SEC31A: variants seen among roughly 807,000 people sequenced by gnomAD.
SEC31A encodes SEC31 homolog A, COPII component.
In SEC31A, 70 loss-of-function variants were observed where a neutral mutation model predicts 151.0. The observed-to-expected ratio is 0.46, with a 90% CI of 0.38 to 0.57. The LOEUF (loss-of-function observed/expected upper bound fraction) is 0.57, where lower values mean the gene tolerates loss of function less well. Ranked by LOEUF, SEC31A falls within the 20% of genes least tolerant of loss-of-function variation. The probability of loss-of-function intolerance (pLI) is 0.00; values close to 1 mark genes in which losing one functional copy is unlikely to be tolerated. For synonymous variants in SEC31A, 475 were observed against 505.9 expected (o/e 0.94, Z 0.82); for missense variants, 1,330 against 1,471.2 (o/e 0.90, Z 1.57).
At chr4:82,853,776 G>T in intron 17 of SEC31A, 61 bp from the exon 18 acceptor site, 1 of 1,332,104 alleles carries the variant, frequency 7.5e-7, no homozygotes, top group South Asian at 1.4e-5. Context: ...ATGAGGCTGT[G>T]AGCAGCTAAA....
chr4:82,895,920 A>T (rs1406754505), upstream of SEC31A: 1 of 152,244 alleles, frequency 6.6e-6, no homozygotes, highest in Admixed American at 6.5e-5. Context: ...AAATTTAATC[A>T]TTGGACATTT....
intron 3 of SEC31A, among the ~76,000 whole-genome samples, chr4:82,880,463 C>T (rs1739020736): frequency 6.6e-6 from 1 of 151,774 alleles, no homozygotes; most frequent in Non-Finnish European, 1.5e-5. Context: ...GTGGTGTGCA[C>T]CTGTAATCCC....
intron 22 of SEC31A, among the ~76,000 whole-genome samples, chr4:82,837,600 G>A (rs909356827): frequency 2.0e-5 from 3 of 152,092 alleles, no homozygotes; most frequent in Non-Finnish European, 4.4e-5. Flanking sequence ...GCCTAGGCTG[G>A]TCTCGAACTC....
chr4:82,853,771 G>A, intron 17 of SEC31A, 56 bp from the exon 18 acceptor site: 1 of 1,334,928 alleles, frequency 7.5e-7, no homozygotes, highest in South Asian at 1.4e-5. Flanking sequence ...TGTATATGAG[G>A]CTGTGAGCAG....
chr4:82,828,673 C>CAAAAAAAAAAAA (rs397994259), intron 23 of SEC31A, among the ~76,000 whole-genome samples: 141 of 43,970 alleles, frequency 3.2e-3, no homozygotes, highest in Non-Finnish European at 3.6e-3. Flanking sequence ...CAAAGTAACT[C>CAAAAAAAAAAAA]AAAAAAAAAA....
At position 82,854,935 on chromosome 4, in the gene SEC31A, T is replaced by C; in HGVS notation, c.1976A>G (p.Tyr659Cys). The C allele has an allele frequency of 6.2e-7, 1 of 1,613,412 alleles. No homozygotes were observed. Among genetic ancestry groups the C allele is most frequent in the Non-Finnish European group, 8.5e-7 (1 of 1,179,804 alleles). The change falls in exon 17 of 27, where the codon TAT (tyrosine) becomes TGT (cysteine). Residue 659 changes from tyrosine (Y) to cysteine (C), a missense_variant. Tyr to Cys is a radical substitution (Grantham distance 194, BLOSUM62 -2). Transcript: ENST00000395310. ...GGCTGAAAATTCATCCGGCTTTGCA[T>C]AAGTCAATACTGCAGCTAAAGCCTC... ...WREALAAVLT[Y>C]AKPDEFSALC...
chr4:82,833,639 G>A (rs1452856344), intron 22 of SEC31A, among the ~76,000 whole-genome samples: 1 of 151,998 alleles, frequency 6.6e-6, no homozygotes, highest in Admixed American at 6.6e-5. Flanking sequence ...GAGAAAAACA[G>A]GCTGAAAACA....
At chr4:82,883,027 G>C (rs2125867598) in intron 1 of SEC31A, among the ~76,000 whole-genome samples, 1 of 152,318 alleles carries the variant, frequency 6.6e-6, no homozygotes, top group South Asian at 2.1e-4. Flanking sequence ...GGCTGAAGCA[G>C]AAGAATCACT....
chr4:82,886,965 T>C (rs1164543618), intron 1 of SEC31A, among the ~76,000 whole-genome samples: 1 of 152,166 alleles, frequency 6.6e-6, no homozygotes, highest in East Asian at 1.9e-4. Context: ...GAAGGAGATA[T>C]ACAGAAAGTT....
chr4:82,873,872 T>C (rs947947715), intron 6 of SEC31A, among the ~76,000 whole-genome samples: 2 of 152,156 alleles, frequency 1.3e-5, no homozygotes, highest in African/African-American at 2.4e-5. Flanking sequence ...GCCGAAAATA[T>C]ATTAGCTCAT....
rs1730766957 is a variant in SEC31A, at chr4:82,848,658, TCAAGATTCTA to T, written c.2502+136_2502+145del. ...CAAAAAGTAGATCACAAATACAACT[TCAAGATTCTA>T]GAAAATAGATCTATTATAACAATAT... On this transcript the variant is annotated intron_variant, in intron 20 of 26. Coordinates refer to ENST00000395310, the MANE Select transcript of SEC31A (RefSeq NM_001077207.4). The T allele has an allele frequency of 9.9e-6, 6 of 603,604 alleles. No individual in the cohort carries two copies. The East Asian group carries it at 2.0e-4, about 20-fold the overall frequency. The allele number at this position is 603,604 out of a possible 1,614,324, so 37.4% of individuals were successfully genotyped here.
chr4:82,869,293 T>C (rs1249543200), intron 8 of SEC31A, among the ~76,000 whole-genome samples: 1 of 150,430 alleles, frequency 6.6e-6, no homozygotes, highest in Non-Finnish European at 1.5e-5. Context: ...CTAATTTTTT[T>C]GTATTTTTTT....
chr4:82,848,956 C>A lies in SEC31A; in HGVS notation c.2350G>T (p.Asp784Tyr). Reference sequence around the variant, plus strand: ...TCTCCTTGTGCTCTACAAAGTCTGTCACGAAGCTGCATGATATTTGGCTAA... The same window carrying A: ...TCTCCTTGTGCTCTACAAAGTCTGTAACGAAGCTGCATGATATTTGGCTAA... Reference protein sequence around the residue: ...TNQPNIMQLRDRLCRAQGEPV... With the variant: ...TNQPNIMQLRYRLCRAQGEPV... Residue 784 changes from aspartate to tyrosine, a missense_variant, in exon 20 of 27, where the codon GAC becomes TAC. By Grantham distance (160) the Asp-to-Tyr change is radical (BLOSUM62 -3). Transcript: ENST00000395310. 1 of 1,613,416 alleles carries A rather than the reference C, an allele frequency of 6.2e-7. No homozygotes were observed. The highest frequency in any genetic ancestry group is 1.1e-5 in the South Asian group (1 of 90,948).
At chr4:82,846,066 C>T (rs148069656) in intron 20 of SEC31A, among the ~76,000 whole-genome samples, 1 of 152,008 alleles carries the variant, frequency 6.6e-6, no homozygotes, top group South Asian at 2.1e-4. Flanking sequence ...TGCAGTGGTG[C>T]GATCTCAGCT....
chr4:82,820,091 T>C (rs1303629302), intron 26 of SEC31A, among the ~76,000 whole-genome samples: 3 of 151,768 alleles, frequency 2.0e-5, no homozygotes, highest in Non-Finnish European at 2.9e-5. Flanking sequence ...AAAAATGTTT[T>C]AATATATACT....
intron 25 of SEC31A, 77 bp downstream of exon 25, chr4:82,824,478 T>G (rs1182701764): frequency 1.3e-6 from 2 of 1,509,004 alleles, no homozygotes; most frequent in African/African-American, 2.8e-5. Flanking sequence ...GTGCTGGGAT[T>G]ACACGCATAA....
At chr4:82,880,368 T>C (rs921418769) in intron 3 of SEC31A, among the ~76,000 whole-genome samples, 10 of 152,020 alleles carry the variant, frequency 6.6e-5, no homozygotes, top group African/African-American at 1.9e-4. Context: ...GGTGGGTGGA[T>C]TGCTTGAGGT....
chr4:82,858,639 T>C (rs1733319633), intron 14 of SEC31A, among the ~76,000 whole-genome samples: 1 of 151,022 alleles, frequency 6.6e-6, no homozygotes, highest in Admixed American at 6.6e-5. Flanking sequence ...CTGAAGAATC[T>C]TTGTTTTCTT....
chr4:82,871,228 T>C, intron 7 of SEC31A: 3 of 1,138,200 alleles, frequency 2.6e-6, no homozygotes, highest in Non-Finnish European at 3.5e-6. Flanking sequence ...TTATATGGTA[T>C]TCATGATTAA....
Sources: allele counts gnomAD v4.1 joint callset (sites outside exome capture counted in the v4.1 genomes callset), GRCh38; gene constraint gnomAD v4.1.1; transcripts MANE v1.5; gene names NCBI Gene and HGNC (gene_info 2026-07-23, HGNC 2026-07-21).